MRPS35: variants seen among roughly 807,000 people sequenced by gnomAD.
MRPS35 encodes small ribosomal subunit protein mS35.
In MRPS35, 29 loss-of-function variants were observed where a neutral mutation model predicts 32.7. The observed-to-expected ratio is 0.89, with a 90% CI of 0.66 to 1.21. The LOEUF is 1.21. Among genes scored for constraint, MRPS35 ranks in the 50% most tolerant of loss-of-function variants. MRPS35 has a pLI of 0.00. For synonymous variants in MRPS35, 148 were observed against 139.3 expected, an observed-to-expected ratio of 1.06 and a Z score of -0.44; for missense variants, 373 against 383.8, an observed-to-expected ratio of 0.97 and a Z score of 0.23.
At chr12:27,724,687 G>A (rs963763168) in intron 5 of MRPS35, among the ~76,000 whole-genome samples, 1 of 152,004 alleles carries the variant, frequency 6.6e-6, no homozygotes, top group Non-Finnish European at 1.5e-5. Context: ...AGGTTGCAGT[G>A]AGCTGAGATC....
chr12:27,726,470 TA>T (rs2061901034), intron 5 of MRPS35, among the ~76,000 whole-genome samples: 2 of 152,154 alleles, frequency 1.3e-5, no homozygotes, highest in South Asian at 4.1e-4. Context: ...GGTTTTTGTG[TA>T]GATATGTGTT....
At chr12:27,747,212 A>G (rs2140781487) in intron 7 of MRPS35, among the ~76,000 whole-genome samples, 1 of 152,312 alleles carries the variant, frequency 6.6e-6, no homozygotes, top group South Asian at 2.1e-4. Context: ...CTTTTTTCAA[A>G]TTGATCAGCC....
intron 5 of MRPS35, among the ~76,000 whole-genome samples, chr12:27,728,328 C>G (rs998616395): frequency 6.6e-6 from 1 of 151,914 alleles, no homozygotes; most frequent in Non-Finnish European, 1.5e-5. Context: ...TAGAAAGAGG[C>G]TAATATAATA....
intron 7 of MRPS35, among the ~76,000 whole-genome samples, chr12:27,747,350 C>T (rs1256477855): frequency 6.6e-6 from 1 of 152,140 alleles, no homozygotes; most frequent in Non-Finnish European, 1.5e-5. Context: ...TGTCTGCTCA[C>T]CCCATTAGAC....
At chr12:27,738,703 T>A (rs1265369214) in intron 7 of MRPS35, among the ~76,000 whole-genome samples, 1 of 152,066 alleles carries the variant, frequency 6.6e-6, no homozygotes, top group Non-Finnish European at 1.5e-5. Context: ...AGGAATAAAG[T>A]TAGCTGGAGA....
intron 7 of MRPS35, among the ~76,000 whole-genome samples, chr12:27,739,963 C>G (rs2061957572): frequency 6.6e-6 from 1 of 152,168 alleles, no homozygotes; most frequent in Admixed American, 6.5e-5. Context: ...TAGCCACATA[C>G]AACTGTCCAA....
chr12:27,746,503 G>C (rs1298082899), intron 7 of MRPS35, among the ~76,000 whole-genome samples: 1 of 152,166 alleles, frequency 6.6e-6, no homozygotes, highest in East Asian at 1.9e-4. Flanking sequence ...AGAGCTTGAG[G>C]GTAAGGGGTG....
intron 5 of MRPS35, chr12:27,725,779 G>A (rs2061897191): frequency 7.1e-6 from 1 of 140,482 alleles, no homozygotes; most frequent in African/African-American, 2.7e-5. Flanking sequence ...TTTTGGTGGT[G>A]TATTGATTCC....
chr12:27,713,937 G>T (rs1037550542), intron 1 of MRPS35, among the ~76,000 whole-genome samples: 1 of 151,794 alleles, frequency 6.6e-6, no homozygotes, highest in Non-Finnish European at 1.5e-5. Context: ...AATTAGCCGG[G>T]TGTGCTCATG....
chr12:27,742,353 T>C (rs538630552), intron 7 of MRPS35, among the ~76,000 whole-genome samples: 8 of 152,364 alleles, frequency 5.3e-5, no homozygotes, highest in South Asian at 2.1e-4. Flanking sequence ...GTACAAGATA[T>C]GTTGCTAGGT....
intron 5 of MRPS35, 52 bp from the exon 6 acceptor site, chr12:27,735,395 A>G (rs1240926368): frequency 1.5e-6 from 2 of 1,364,848 alleles, no homozygotes; most frequent in African/African-American, 3.0e-5. Context: ...CCTTTTTTTC[A>G]CTAAACAATT....
intron 7 of MRPS35, among the ~76,000 whole-genome samples, chr12:27,751,122 A>AAAAAAAAAAG (rs1565472346): frequency 6.7e-6 from 1 of 148,464 alleles, no homozygotes; most frequent in African/African-American, 2.4e-5. Context: ...AAAAAAAAAA[A>AAAAAAAAAAG]AAAAGAAAAG....
chr12:27,745,284 T>G (rs1022042661), intron 7 of MRPS35, among the ~76,000 whole-genome samples: 4 of 152,232 alleles, frequency 2.6e-5, no homozygotes, highest in Non-Finnish European at 4.4e-5. Flanking sequence ...GAAATTAAGA[T>G]TTAGAGGAAA....
chr12:27,741,937 G>C (rs1428427309), intron 7 of MRPS35, among the ~76,000 whole-genome samples: 1 of 152,118 alleles, frequency 6.6e-6, no homozygotes, highest in African/African-American at 2.4e-5. Context: ...GTCTAGCTTT[G>C]TAATAAAATG....
At chr12:27,739,629 T>C (rs758626860) in intron 7 of MRPS35, among the ~76,000 whole-genome samples, 6 of 152,360 alleles carry the variant, frequency 3.9e-5, no homozygotes, top group East Asian at 1.9e-4. Flanking sequence ...TCCTACACAA[T>C]TGATTTTAGA....
At chr12:27,712,133 C>A (rs2061828894) in intron 1 of MRPS35, among the ~76,000 whole-genome samples, 1 of 151,916 alleles carries the variant, frequency 6.6e-6, no homozygotes, top group Admixed American at 6.6e-5. Context: ...TTGAACAGGG[C>A]CCCAAGCCAT....
At chr12:27,726,282 G>A (rs1219320160) in intron 5 of MRPS35, among the ~76,000 whole-genome samples, 1 of 151,962 alleles carries the variant, frequency 6.6e-6, no homozygotes, top group Admixed American at 6.5e-5. Context: ...CTTTCACTTA[G>A]TGTAATGTTT....
intron 7 of MRPS35, among the ~76,000 whole-genome samples, chr12:27,750,708 G>C (rs1591804127): frequency 6.6e-6 from 1 of 152,174 alleles, no homozygotes; most frequent in East Asian, 1.9e-4. Context: ...CGGAGGCTGA[G>C]GCAAGGGGAT....
At chr12:27,732,987 G>GATAGAT (rs2061927541) in intron 5 of MRPS35, among the ~76,000 whole-genome samples, 1 of 120,656 alleles carries the variant, frequency 8.3e-6, no homozygotes, top group African/African-American at 3.3e-5. Context: ...GTCATTTGAA[G>GATAGAT]ATATATATAT....
Sources: gnomAD v4.1 joint callset for allele counts (sites outside exome capture counted in the v4.1 genomes callset) on GRCh38, gnomAD v4.1.1 for gene constraint, MANE v1.5 for transcripts, NCBI Gene and HGNC (gene_info 2026-07-23, HGNC 2026-07-21) for gene names.